Variants in TRHDE observed in about 807,000 individuals in gnomAD.
TRHDE encodes thyrotropin-releasing hormone-degrading ectoenzyme.
In TRHDE, 72 loss-of-function variants were observed where a neutral mutation model predicts 125.7. The ratio of observed to expected loss-of-function variants is 0.57; its 90% CI spans 0.47 to 0.70. The LOEUF is 0.70. TRHDE is among the 30% of genes least tolerant of loss of function. The pLI is 0.00. For synonymous variants in TRHDE, 509 were observed against 509.1 expected (o/e 1.00, Z 0.00); for missense variants, 1,110 against 1,327.1 (o/e 0.84, Z 2.54).
intron 15 of TRHDE, among the ~76,000 whole-genome samples, chr12:72,627,082 A>G (rs1441511704): frequency 1.3e-5 from 2 of 151,956 alleles, no homozygotes; most frequent in African/African-American, 2.4e-5. Flanking sequence ...TAGCAAAAAG[A>G]ACAGGGCTGC....
intron 15 of TRHDE, among the ~76,000 whole-genome samples, chr12:72,638,460 T>C (rs1232877698): frequency 6.6e-6 from 1 of 151,140 alleles, no homozygotes; most frequent in African/African-American, 2.4e-5. Flanking sequence ...CTTTATCCAA[T>C]TTGCCAGTCT....
intron 2 of TRHDE, among the ~76,000 whole-genome samples, chr12:72,188,378 T>C (rs77770014): frequency 0.028 from 4,232 of 152,344 alleles, 103 homozygotes; most frequent in African/African-American, 0.059. Context: ...TCTAAAACAA[T>C]TGGCATCAAA....
intron 2 of TRHDE, among the ~76,000 whole-genome samples, chr12:72,354,057 C>T (rs770282265): frequency 5.9e-5 from 9 of 151,370 alleles, no homozygotes; most frequent in Non-Finnish European, 1.2e-4. Flanking sequence ...AAATGGATAC[C>T]TTGTTATATT....
At chr12:72,368,585 G>T (rs573355426) in intron 2 of TRHDE, among the ~76,000 whole-genome samples, 6 of 152,118 alleles carry the variant, frequency 3.9e-5, no homozygotes, top group East Asian at 3.9e-4. Context: ...CCATGTTATT[G>T]TGTCTCCCCC....
chr12:72,264,034 A>C (rs1879011403), intron 2 of TRHDE: 1 of 152,026 alleles, frequency 6.6e-6, no homozygotes, highest in African/African-American at 2.4e-5. Flanking sequence ...GCGATTTAAA[A>C]ATTTATTTCT....
At chr12:72,613,495 A>G (rs937069197) in intron 12 of TRHDE, among the ~76,000 whole-genome samples, 1 of 152,196 alleles carries the variant, frequency 6.6e-6, no homozygotes, top group Admixed American at 6.6e-5. Flanking sequence ...AAGCTATGAC[A>G]TTATTGCCAT....
At chr12:72,550,222 GTAAT>G (rs1213327878) in intron 7 of TRHDE, among the ~76,000 whole-genome samples, 1 of 151,854 alleles carries the variant, frequency 6.6e-6, no homozygotes, top group African/African-American at 2.4e-5. Context: ...ATGCCAGTCT[GTAAT>G]TATGCCAATT....
At chr12:72,207,902 G>A (rs1002003480) in intron 2 of TRHDE, among the ~76,000 whole-genome samples, 2 of 152,114 alleles carry the variant, frequency 1.3e-5, no homozygotes, top group African/African-American at 4.8e-5. Flanking sequence ...TATAAAGTCT[G>A]AAGAAGAATC....
chr12:72,609,480 C>T (rs547346226), intron 12 of TRHDE, among the ~76,000 whole-genome samples: 7 of 151,852 alleles, frequency 4.6e-5, no homozygotes, highest in South Asian at 2.1e-4. Context: ...ATTTTAGTTT[C>T]GGGGGAACAT....
intron 2 of TRHDE, among the ~76,000 whole-genome samples, chr12:72,168,073 A>G (rs150662986): frequency 6.6e-6 from 1 of 152,328 alleles, no homozygotes; most frequent in Non-Finnish European, 1.5e-5. Flanking sequence ...TAGACATTCT[A>G]GAATGTCTCC....
chr12:72,103,827 A>G (rs1272999400), intron 1 of TRHDE, among the ~76,000 whole-genome samples: 2 of 152,196 alleles, frequency 1.3e-5, no homozygotes, highest in Non-Finnish European at 2.9e-5. Context: ...GAGGAGGCCA[A>G]TAAATTGTCC....
intron 2 of TRHDE, among the ~76,000 whole-genome samples, chr12:72,373,683 C>T (rs1288746090): frequency 1.3e-5 from 2 of 152,076 alleles, no homozygotes; most frequent in Non-Finnish European, 2.9e-5. Flanking sequence ...GGGATTTGGA[C>T]AAGTATCTAA....
At chr12:72,225,611 T>C (rs1878113576) in intron 2 of TRHDE, among the ~76,000 whole-genome samples, 1 of 152,224 alleles carries the variant, frequency 6.6e-6, no homozygotes, top group South Asian at 2.1e-4. Flanking sequence ...AGGTGAGTTA[T>C]TAAGCATTTA....
intron 15 of TRHDE, among the ~76,000 whole-genome samples, chr12:72,651,071 T>C (rs1452515648): frequency 6.6e-6 from 1 of 152,158 alleles, no homozygotes; most frequent in East Asian, 1.9e-4. Flanking sequence ...GTGTTTCCTT[T>C]GTTTCATTAA....
chr12:72,569,831 A>G (rs1870634716), intron 10 of TRHDE, among the ~76,000 whole-genome samples: 1 of 152,154 alleles, frequency 6.6e-6, no homozygotes, highest in Non-Finnish European at 1.5e-5. Flanking sequence ...TGTTTATTAT[A>G]ATCTATTCTT....
intron 2 of TRHDE, among the ~76,000 whole-genome samples, chr12:72,299,664 T>G (rs1021945352): frequency 2.4e-4 from 36 of 152,206 alleles, no homozygotes; most frequent in Non-Finnish European, 8.8e-5. Context: ...ATGTAGGACT[T>G]TGAGTTACAG....
chr12:72,511,484 T>C (rs1878579084), intron 6 of TRHDE, among the ~76,000 whole-genome samples: 1 of 152,192 alleles, frequency 6.6e-6, no homozygotes, highest in South Asian at 2.1e-4. Context: ...TCCTTTTCTT[T>C]GTTACCAGAC....
At chr12:72,500,497 T>C (rs1286037857) in intron 6 of TRHDE, among the ~76,000 whole-genome samples, 1 of 152,184 alleles carries the variant, frequency 6.6e-6, no homozygotes, top group Non-Finnish European at 1.5e-5. Flanking sequence ...GTTCAAGTGA[T>C]TCTCCTGCCT....
chr12:72,118,296 AT>A (rs1434120447), intron 2 of TRHDE, among the ~76,000 whole-genome samples: 3 of 152,080 alleles, frequency 2.0e-5, no homozygotes, highest in Non-Finnish European at 4.4e-5. Flanking sequence ...ATTTTTCAGC[AT>A]TATTTGAAAT....
Sources: allele counts gnomAD v4.1 joint callset (sites outside exome capture counted in the v4.1 genomes callset), GRCh38; gene constraint gnomAD v4.1.1; transcripts MANE v1.5; gene names NCBI Gene and HGNC (gene_info 2026-07-23, HGNC 2026-07-21).